Variants in PIAS1 observed in about 807,000 individuals in gnomAD.
PIAS1 encodes protein inhibitor of activated STAT 1.
PIAS1 carries 6 observed loss-of-function variants against 71.3 expected under a neutral mutation model. The ratio of observed to expected loss-of-function variants is 0.08; its 90% CI spans 0.05 to 0.17. PIAS1 has a LOEUF of 0.17. Ranked by LOEUF, PIAS1 falls within the 10% of genes least tolerant of loss-of-function variation. PIAS1 has a pLI of 1.00. For synonymous variants in PIAS1, 303 were observed against 292.9 expected (o/e 1.03, Z -0.35); for missense variants, 555 against 793.6 (o/e 0.70, Z 3.61).
chr15:68,119,271 A>C (rs1282493775), intron 2 of PIAS1, among the ~76,000 whole-genome samples: 3 of 138,936 alleles, frequency 2.2e-5, no homozygotes, highest in African/African-American at 7.8e-5. Flanking sequence ...AAAAGTATAT[A>C]TATATGTACA....
chr15:68,115,619 T>A (rs1567048247), intron 2 of PIAS1, among the ~76,000 whole-genome samples: 1 of 152,124 alleles, frequency 6.6e-6, no homozygotes, highest in Non-Finnish European at 1.5e-5. Context: ...TCATTCCTAA[T>A]TTTTGAGGGA....
intron 2 of PIAS1, among the ~76,000 whole-genome samples, chr15:68,139,220 G>T (rs1264392098): frequency 6.6e-6 from 1 of 152,122 alleles, no homozygotes; most frequent in Non-Finnish European, 1.5e-5. Context: ...GTGTAATCTT[G>T]TCCCTTTCTA....
At chr15:68,135,019 C>A (rs1273394727) in intron 2 of PIAS1, among the ~76,000 whole-genome samples, 9 of 45,302 alleles carry the variant, frequency 2.0e-4, no homozygotes, top group African/African-American at 3.6e-4. Flanking sequence ...GGCAGAGGGG[C>A]TCCTCACTTC....
intron 1 of PIAS1, among the ~76,000 whole-genome samples, chr15:68,069,610 G>A (rs897240022): frequency 4.6e-5 from 7 of 152,032 alleles, no homozygotes; most frequent in African/African-American, 1.2e-4. Flanking sequence ...AGACCATCCC[G>A]GCTAACACGG....
chr15:68,073,351 A>G lies in PIAS1; in HGVS notation c.25-12955A>G, dbSNP rs185507892. ...GTGTAATTTCTAATATATTTGCATT[A>G]CCAATATGGTTTGTAATAATTGACA... is the stretch of plus-strand genomic sequence containing the variant. On this transcript the variant is annotated intron_variant, in intron 1 of 13. Transcript: ENST00000249636. Among the ~76,000 whole-genome samples, 16 of 152,264 alleles carry G rather than the reference A, an allele frequency of 1.1e-4. No individual in the cohort carries two copies. In the East Asian group the frequency reaches 1.9e-3, roughly 18 times the overall value.
In PIAS1 at chr15:68,065,915, C is replaced by CTTTTTTTTTTTTTTT. The variant is rs869104577; in HGVS notation, c.24+11579_24+11593dup. Among the ~76,000 whole-genome samples, 15 of 40,174 alleles carry CTTTTTTTTTTTTTTT rather than the reference C, an allele frequency of 3.7e-4. 2 individuals carry two copies. The highest frequency in any genetic ancestry group is 1.7e-3 in the African/African-American group (13 of 7,532). The allele number at this position is 40,174 out of a possible 152,430, so 26.4% of individuals were successfully genotyped here. On this transcript the variant is annotated intron_variant, in intron 1 of 13. Transcript: ENST00000249636. ...GCCACCATGCTCAGCTGACTAAAAG[C>CTTTTTTTTTTTTTTT]TTTTTTTTTTTTTTTTTTTTTTTTT...
chr15:68,137,642 T>C (rs946825773), intron 2 of PIAS1, among the ~76,000 whole-genome samples: 3 of 152,150 alleles, frequency 2.0e-5, no homozygotes, highest in Non-Finnish European at 4.4e-5. Flanking sequence ...TTCTGAGTTT[T>C]CTACTTACAA....
intron 8 of PIAS1, among the ~76,000 whole-genome samples, chr15:68,165,984 C>T (rs1003256041): frequency 3.3e-5 from 5 of 151,752 alleles, no homozygotes; most frequent in Admixed American, 6.6e-5. Context: ...CTTAAAGAAA[C>T]AAAGAATTTA....
chr15:68,082,670 A>G (rs1257657904), intron 1 of PIAS1, among the ~76,000 whole-genome samples: 2 of 152,120 alleles, frequency 1.3e-5, no homozygotes, highest in African/African-American at 4.8e-5. Context: ...TGATAGAAAG[A>G]TGAGGGAGAG....
intron 7 of PIAS1, among the ~76,000 whole-genome samples, chr15:68,160,013 A>G (rs1233907874): frequency 1.3e-5 from 2 of 152,164 alleles, no homozygotes; most frequent in African/African-American, 4.8e-5. Context: ...TATTGTAGCC[A>G]TCGTGATTGG....
chr15:68,165,679 A>G (rs186924383), intron 8 of PIAS1, among the ~76,000 whole-genome samples: 1 of 152,320 alleles, frequency 6.6e-6, no homozygotes, highest in African/African-American at 2.4e-5. Context: ...TTAAACCTGT[A>G]AGGGAAAAGG....
chr15:68,116,397 A>G (rs778622399), intron 2 of PIAS1, among the ~76,000 whole-genome samples: 4 of 152,096 alleles, frequency 2.6e-5, no homozygotes, highest in Non-Finnish European at 5.9e-5. Context: ...TATTAATAAT[A>G]TTCTCTTCAC....
chr15:68,148,822 A>G (rs1005454939), intron 6 of PIAS1, among the ~76,000 whole-genome samples: 1 of 152,234 alleles, frequency 6.6e-6, no homozygotes, highest in Non-Finnish European at 1.5e-5. Flanking sequence ...TGGAGGCCAG[A>G]ATCGTGCAGA....
In PIAS1 at chr15:68,054,362, C is replaced by T; in HGVS notation, c.24+12C>T. On this transcript the variant is annotated intron_variant, in intron 1 of 13. Coordinates refer to ENST00000249636, the MANE Select transcript of PIAS1 (RefSeq NM_016166.3). The surrounding 1 kb of genome is among the most constrained non-coding windows in gnomAD (Gnocchi z 4.6). ...GTGCGGAACTAAAGGTAAAGCGCAG[C>T]TCGAATTCACTTCTAATATTCGGCC... The T allele has an allele frequency of 1.3e-6, 2 of 1,570,306 alleles. No homozygotes were observed. The highest frequency in any genetic ancestry group is 1.7e-6 in the Non-Finnish European group (2 of 1,158,228).
chr15:68,084,986 A>AT (rs1454164913), intron 1 of PIAS1, among the ~76,000 whole-genome samples: 1 of 152,174 alleles, frequency 6.6e-6, no homozygotes, highest in Non-Finnish European at 1.5e-5. Context: ...TATTTCTTTG[A>AT]TTAACCAGCT....
Position 68,190,023 on chromosome 15 carries a change from A to G in PIAS1, c.*2188A>G, listed in dbSNP as rs1427164278. 6.6e-6 allele frequency: 1 copy of G among 152,054 alleles called. No homozygotes were observed. Among genetic ancestry groups the G allele is most frequent in the Non-Finnish European group, 1.5e-5 (1 of 67,988 alleles). 9.4% of individuals were successfully genotyped at this position (152,054 alleles called of 1,614,324 possible). A position where few individuals can be genotyped will look rare whatever the true frequency, so the allele number is the denominator to read the frequency against. On this transcript the variant is annotated 3_prime_UTR_variant, in exon 14 of 14. Transcript: ENST00000249636. This position sits in a 1 kb window ranked among gnomAD's most constrained non-coding sequence, Gnocchi z 4.7. Reference sequence around the variant, plus strand: ...TGAATAGTTTTCTTCCTGTTTTTTTATGTGTCATTGTTAGTGGTCTCAGAA... The same window carrying G: ...TGAATAGTTTTCTTCCTGTTTTTTTGTGTGTCATTGTTAGTGGTCTCAGAA...
intron 2 of PIAS1, 77 bp from the exon 3 acceptor site, chr15:68,141,869 G>A (rs1253393742): frequency 2.4e-6 from 2 of 819,782 alleles, no homozygotes; most frequent in Non-Finnish European, 4.0e-6. Flanking sequence ...TTAAAGACAT[G>A]TGTGTTTTTT....
At chr15:68,146,862 A>G (rs1474434560) in intron 6 of PIAS1, among the ~76,000 whole-genome samples, 162 bp downstream of exon 6, 1 of 152,204 alleles carries the variant, frequency 6.6e-6, no homozygotes, top group African/African-American at 2.4e-5. Context: ...AAATGGGATT[A>G]TGAAGTATCC....
At chr15:68,109,163 GTTTTCT>G (rs904869141) in intron 2 of PIAS1, among the ~76,000 whole-genome samples, 1 of 152,104 alleles carries the variant, frequency 6.6e-6, no homozygotes, top group Non-Finnish European at 1.5e-5. Context: ...TGGCATGAGT[GTTTTCT>G]TTACCTGGAA....
Sources: allele counts gnomAD v4.1 joint callset (sites outside exome capture counted in the v4.1 genomes callset), GRCh38; gene constraint gnomAD v4.1.1; non-coding constraint Gnocchi (gnomAD v3.1); transcripts MANE v1.5; gene names NCBI Gene and HGNC (gene_info 2026-07-23, HGNC 2026-07-21).